Variants in DENND1A observed in about 807,000 individuals in gnomAD.
DENND1A encodes the protein DENN domain containing 1A.
DENND1A carries 51 observed loss-of-function variants against 113.7 expected under a neutral mutation model. The ratio of observed to expected loss-of-function variants is 0.45; its 90% CI spans 0.36 to 0.57. The LOEUF is 0.57. Among genes scored for constraint, DENND1A ranks in the 20% least tolerant of loss-of-function variants. The pLI, the probability that DENND1A is intolerant of heterozygous loss-of-function variation, is 0.00. For missense variants in DENND1A, 1,258 were observed against 1,395.9 expected (o/e 0.90, Z 1.57); for synonymous variants, 565 against 570.8 (o/e 0.99, Z 0.14).
At chr9:123,597,583 T>G (rs1284814368) in intron 11 of DENND1A, among the ~76,000 whole-genome samples, 1 of 152,182 alleles carries the variant, frequency 6.6e-6, no homozygotes, top group Non-Finnish European at 1.5e-5. Context: ...ATAGCTGCTC[T>G]TGGGGTTATT....
chr9:123,593,272 T>C (rs913157670), intron 11 of DENND1A, among the ~76,000 whole-genome samples: 1 of 152,210 alleles, frequency 6.6e-6, no homozygotes, highest in Non-Finnish European at 1.5e-5. Context: ...TAGCTGAACC[T>C]CAATTTCTTT....
intron 14 of DENND1A, 52 bp downstream of exon 14, chr9:123,457,741 C>T: frequency 6.6e-7 from 1 of 1,521,268 alleles, no homozygotes; most frequent in East Asian, 2.4e-5. Context: ...GAGACAGCTG[C>T]AGAAATCCCC....
chr9:123,382,507 G>A lies in DENND1A; in HGVS notation c.2138C>T (p.Pro713Leu). 4 of 1,614,024 alleles carry A rather than the reference G, an allele frequency of 2.5e-6. No homozygotes were observed. The highest frequency in any genetic ancestry group is 3.4e-6 in the Non-Finnish European group (4 of 1,179,948). Residue 713 changes from proline to leucine, a missense_variant, in exon 24 of 24, where the codon CCC becomes CTC. By Grantham distance (98) the Pro-to-Leu change is moderately conservative. Coordinates refer to ENST00000394215, the MANE Select transcript of DENND1A (RefSeq NM_001352964.2). Reference sequence around the variant, plus strand: ...GGGCTTCTCAGGGGAGGCAGCTGGGGGCTTGCTGGGGATGGCCATGTCGTC... The same window carrying A: ...GGGCTTCTCAGGGGAGGCAGCTGGGAGCTTGCTGGGGATGGCCATGTCGTC... ...GQDDMAIPSK[P>L]PAASPEKPSA...
At chr9:123,877,345 C>T (rs1368524131) in intron 2 of DENND1A, among the ~76,000 whole-genome samples, 9 of 151,704 alleles carry the variant, frequency 5.9e-5, no homozygotes, top group East Asian at 1.9e-4. Flanking sequence ...AAAAATTAGC[C>T]GGACGTGGTG....
chr9:123,715,838 A>G (rs1420281538), intron 5 of DENND1A, among the ~76,000 whole-genome samples: 2 of 152,010 alleles, frequency 1.3e-5, no homozygotes, highest in Admixed American at 6.6e-5. Flanking sequence ...ACCATGCCCA[A>G]CTAATTTTTG....
At chr9:123,539,101 C>T (rs960721395) in intron 13 of DENND1A, among the ~76,000 whole-genome samples, 14 of 151,814 alleles carry the variant, frequency 9.2e-5, no homozygotes, top group African/African-American at 3.1e-4. Context: ...TTTTTCAACT[C>T]CCAGTGAATA....
At chr9:123,398,500 G>A (rs1309767850) in intron 21 of DENND1A, among the ~76,000 whole-genome samples, 1 of 148,032 alleles carries the variant, frequency 6.8e-6, no homozygotes, top group African/African-American at 2.5e-5. Context: ...TCAGCCTCCT[G>A]AGTAGCTGGG....
At chr9:123,608,892 A>AT (rs775178599) in intron 11 of DENND1A, among the ~76,000 whole-genome samples, 10 of 152,234 alleles carry the variant, frequency 6.6e-5, no homozygotes, top group Non-Finnish European at 1.3e-4. Flanking sequence ...TTCCCAAGCC[A>AT]TGTTAATTAA....
intron 13 of DENND1A, among the ~76,000 whole-genome samples, chr9:123,489,213 T>A (rs1392077512): frequency 6.6e-6 from 1 of 152,178 alleles, no homozygotes; most frequent in Non-Finnish European, 1.5e-5. Context: ...AAGCAAGTGA[T>A]CTGAAGTTAG....
chr9:123,792,243 G>C (rs909006985), intron 3 of DENND1A, among the ~76,000 whole-genome samples: 3 of 152,042 alleles, frequency 2.0e-5, no homozygotes, highest in Non-Finnish European at 4.4e-5. Context: ...ACTGCTTCTT[G>C]ACTCCTGAAA....
At chr9:123,769,624 C>G in intron 3 of DENND1A, 61 bp from the exon 4 acceptor site, 1 of 1,435,942 alleles carries the variant, frequency 7.0e-7, no homozygotes, top group Non-Finnish European at 9.5e-7. Flanking sequence ...TAACATTAAC[C>G]ACAGCACACA....
intron 5 of DENND1A, 112 bp from the exon 6 acceptor site, chr9:123,676,901 T>G (rs551912940): frequency 1.0e-6 from 1 of 974,084 alleles, no homozygotes; most frequent in African/African-American, 1.6e-5. Context: ...CTGAAGAGTC[T>G]TCCTGTCACA....
intron 1 of DENND1A, among the ~76,000 whole-genome samples, chr9:123,882,322 C>CAAAAAAAAAAAAAA (rs59820553): frequency 8.0e-6 from 1 of 124,396 alleles, no homozygotes. Context: ...AACCTTGTTT[C>CAAAAAAAAAAAAAA]AAAAAAAAAA....
intron 1 of DENND1A, among the ~76,000 whole-genome samples, chr9:123,909,433 A>T (rs563508868): frequency 6.6e-6 from 1 of 151,280 alleles, no homozygotes; most frequent in East Asian, 1.9e-4. Flanking sequence ...AACTGGAAAA[A>T]AGAAAAATTA....
chr9:123,893,734 A>G (rs1390650887), intron 1 of DENND1A, among the ~76,000 whole-genome samples: 2 of 152,222 alleles, frequency 1.3e-5, no homozygotes, highest in African/African-American at 4.8e-5. Context: ...TTGCCCAAAG[A>G]CAAATATCTA....
At position 123,553,406 on chromosome 9, in the gene DENND1A, C is replaced by A. The variant is rs766198788; in HGVS notation, c.993+4164G>T. On this transcript the variant is annotated intron_variant, in intron 13 of 23. Coordinates refer to ENST00000394215, the MANE Select transcript of DENND1A (RefSeq NM_001352964.2). ...ATTTGCCTTTTTAAAAGCCGCCCCC[C>A]CCCCGCTCCTCATCCCTCCGTGATT... Among the ~76,000 whole-genome samples, 48 of 151,210 alleles carry A rather than the reference C, an allele frequency of 3.2e-4. 1 individual carries two copies. Among genetic ancestry groups the A allele is most frequent in the Non-Finnish European group, 5.2e-4 (35 of 67,384 alleles).
intron 1 of DENND1A, among the ~76,000 whole-genome samples, chr9:123,895,059 CTTT>C (rs753119053): frequency 1.4e-5 from 2 of 141,814 alleles, no homozygotes; most frequent in African/African-American, 5.2e-5. Context: ...CTGCAAGTTC[CTTT>C]TTTTTTTTTT....
intron 3 of DENND1A, among the ~76,000 whole-genome samples, chr9:123,783,050 T>C (rs1831565787): frequency 6.6e-6 from 1 of 152,126 alleles, no homozygotes; most frequent in Admixed American, 6.5e-5. Context: ...TAATACAAAA[T>C]ACTACACACA....
At chr9:123,777,154 A>G (rs535958726) in intron 3 of DENND1A, among the ~76,000 whole-genome samples, 1 of 152,336 alleles carries the variant, frequency 6.6e-6, no homozygotes, top group South Asian at 2.1e-4. Flanking sequence ...GCTTTCCAAA[A>G]GTTTCCAATG....
Sources: gnomAD v4.1 joint callset for allele counts (sites outside exome capture counted in the v4.1 genomes callset) on GRCh38, gnomAD v4.1.1 for gene constraint, MANE v1.5 for transcripts, NCBI Gene and HGNC (gene_info 2026-07-23, HGNC 2026-07-21) for gene names.